PDE4DIP: variants seen among roughly 807,000 people sequenced by gnomAD.
PDE4DIP encodes phosphodiesterase 4D interacting protein.
A neutral mutation model predicts 221.4 loss-of-function variants in PDE4DIP; 59 were observed. The ratio of observed to expected loss-of-function variants is 0.27; its 90% confidence interval spans 0.22 to 0.33. The LOEUF is 0.33. Ranked by LOEUF, PDE4DIP falls within the 10% of genes least tolerant of loss-of-function variation. PDE4DIP has a pLI of 1.00. For synonymous variants in PDE4DIP, 404 were observed against 815.9 expected (o/e 0.50, Z 8.60); for missense variants, 1,036 against 2,154.2 (o/e 0.48, Z 10.28).
chr1:148,969,707 CTT>C (rs66883683), intron 14 of PDE4DIP, among the ~76,000 whole-genome samples: 13 of 134,998 alleles, frequency 9.6e-5, no homozygotes, highest in Admixed American at 1.5e-4. Context: ...GAAGTAAATT[CTT>C]TTTTTTTTTT....
intron 5 of PDE4DIP, among the ~76,000 whole-genome samples, chr1:148,956,582 T>C (rs1553502678): frequency 6.6e-6 from 1 of 152,140 alleles, no homozygotes; most frequent in Non-Finnish European, 1.5e-5. Context: ...CCTTCTTTAT[T>C]GTCTGGCCCT....
intron 17 of PDE4DIP, among the ~76,000 whole-genome samples, chr1:148,975,086 A>G (rs192737380): frequency 1.1e-3 from 159 of 143,854 alleles, no homozygotes; most frequent in Middle Eastern, 3.6e-3. Context: ...CAGGAGAATC[A>G]CTTGAACCCG....
rs1391143755 is a variant in PDE4DIP at position 149,000,544 on chromosome 1, ACT to A, written c.3138-1044_3138-1043del. ...ACTCCAGCCTGGGTGACAGAGTGAG[ACT>A]CTGTCTCAAAAAAAAAAAATAAATA... On this transcript the variant is annotated intron_variant, in intron 23 of 43. Transcript: ENST00000369354. 5.4e-5 allele frequency among the ~76,000 whole-genome samples: 8 copies of A among 149,096 alleles called. No individual in the cohort carries two copies. The East Asian group carries it at 1.1e-3, about 21-fold the overall frequency.
chr1:149,019,661 G>C (rs2071992239), intron 35 of PDE4DIP: 1 of 152,778 alleles, frequency 6.5e-6, no homozygotes, highest in Non-Finnish European at 1.5e-5. Context: ...GCCAGGCTCA[G>C]GTGACTCTTT....
intron 5 of PDE4DIP, among the ~76,000 whole-genome samples, chr1:148,954,940 A>T (rs1485465408): frequency 3.3e-5 from 5 of 152,172 alleles, no homozygotes; most frequent in African/African-American, 1.2e-4. Flanking sequence ...GATAAGTGAC[A>T]TTGTTGATGG....
intron 4 of PDE4DIP, among the ~76,000 whole-genome samples, chr1:148,934,664 C>A (rs2048799107): frequency 6.6e-6 from 1 of 152,060 alleles, no homozygotes. Context: ...AGTACAGTGG[C>A]AAGATCTCGG....
chr1:149,010,460 A>G lies in PDE4DIP; in HGVS notation c.4945A>G (p.Ser1649Gly), dbSNP rs145199065. 15 of 1,613,072 alleles carry G rather than the reference A, an allele frequency of 9.3e-6. No individual in the cohort carries two copies. The African/African-American group carries it at 1.9e-4, about 20-fold the overall frequency. ...TTTTATAGATTCCATCCATCATTCG[A>G]GTCATTCTGCTGTGTTGTCTTCTAA... Residue 1649 changes from serine (S) to glycine (G), a missense_variant, in exon 31 of 44, where the codon AGT (serine) becomes GGT (glycine). Physicochemically the swap from Ser to Gly is moderately conservative, Grantham distance 56 (BLOSUM62 0). Transcript: ENST00000369354.
chr1:148,925,692 G>C (rs1187208806), intron 1 of PDE4DIP, among the ~76,000 whole-genome samples: 1 of 151,758 alleles, frequency 6.6e-6, no homozygotes, highest in African/African-American at 2.4e-5. Context: ...CAAGGTTGTT[G>C]CACAGCTGTG....
chr1:149,029,858 C>T, exon 42 of PDE4DIP: 2 of 1,607,410 alleles, frequency 1.2e-6, no homozygotes, highest in Non-Finnish European at 1.7e-6. Flanking sequence ...TCCTTCAGAG[C>T]ACAACTGAGC....
Position 148,970,280 on chromosome 1 carries a change from C to T in PDE4DIP, c.1980+1250C>T, listed in dbSNP as rs587636250. The stretch of plus-strand genomic sequence containing the variant: ...TCTAGAAAGGTCCTGCTGTGTGCTT[C>T]AGAAATTGTTTCTAAAATAGACCTA... On this transcript the variant is annotated intron_variant, in intron 14 of 43. Coordinates refer to ENST00000369354, the Ensembl canonical transcript of PDE4DIP. Among the ~76,000 whole-genome samples the T allele has an allele frequency of 7.0e-4, 104 of 147,804 alleles. 1 individual carries two copies. The highest frequency in any genetic ancestry group is 2.5e-3 in the African/African-American group (100 of 39,994).
intron 5 of PDE4DIP, chr1:148,952,054 A>T: frequency 9.9e-7 from 1 of 1,011,460 alleles, no homozygotes; most frequent in Non-Finnish European, 1.2e-6. Flanking sequence ...GCACTGTCCG[A>T]GAATGCAGGG....
At position 148,864,283 on chromosome 1, in the gene PDE4DIP, G is replaced by T. The variant is rs1200092754; in HGVS notation, c.289+978G>T. ...AATAAAATAATAAATAAATAAAATGGGTATAATGATAATGTTAATCTCATA... is the reference window on the plus strand; with the variant it reads ...AATAAAATAATAAATAAATAAAATGTGTATAATGATAATGTTAATCTCATA... On this transcript the variant is annotated intron_variant, in intron 2 of 45. Coordinates refer to the PDE4DIP transcript ENST00000524974. Among the ~76,000 whole-genome samples, 67 of 135,156 alleles carry T rather than the reference G, an allele frequency of 5.0e-4. 13 individuals carry two copies. Among genetic ancestry groups the T allele is most frequent in the Non-Finnish European group, 1.3e-4 (8 of 63,906 alleles). 88.7% of individuals were successfully genotyped at this position (135,156 alleles called of 152,430 possible). A position where few individuals can be genotyped will look rare whatever the true frequency, so the allele number is the denominator to read the frequency against.
chr1:148,881,569 CA>C (rs1693687501), intron 3 of PDE4DIP, among the ~76,000 whole-genome samples: 2 of 128,834 alleles, frequency 1.6e-5, no homozygotes, highest in Admixed American at 7.5e-5. Flanking sequence ...ATGAAGAAAA[CA>C]ATTTTTTTTT....
chr1:148,984,724 A>G (rs1553547577), intron 21 of PDE4DIP: 1 of 152,086 alleles, frequency 6.6e-6, no homozygotes, highest in African/African-American at 2.4e-5. Flanking sequence ...TGTCCTTTTC[A>G]TTGAGAAATA....
chr1:149,030,351 G>T (rs1331402453), intron 43 of PDE4DIP, 73 bp downstream of exon 46: 2 of 1,552,426 alleles, frequency 1.3e-6, no homozygotes, highest in Non-Finnish European at 1.7e-6. Flanking sequence ...AGCAGATCTT[G>T]TAGGTGACCC....
chr1:149,000,428 G>A, intron 23 of PDE4DIP, among the ~76,000 whole-genome samples: 1 of 151,914 alleles, frequency 6.6e-6, no homozygotes, highest in Non-Finnish European at 1.5e-5. Context: ...GGTGGCACGT[G>A]CCTGTAGTCC....
intron 21 of PDE4DIP, chr1:148,982,547 C>G (rs2061294499): frequency 6.6e-6 from 1 of 152,188 alleles, no homozygotes; most frequent in Non-Finnish European, 1.5e-5. Flanking sequence ...GAGAGGGGCA[C>G]TGGAGATTGT....
intron 14 of PDE4DIP, among the ~76,000 whole-genome samples, chr1:148,970,722 A>G (rs1553525475): frequency 6.6e-6 from 1 of 152,072 alleles, no homozygotes; most frequent in East Asian, 1.9e-4. Context: ...ACTACGAGAA[A>G]AGGAGTGCCA....
intron 1 of PDE4DIP, among the ~76,000 whole-genome samples, chr1:148,927,462 A>G (rs1451004083): frequency 6.6e-6 from 1 of 151,996 alleles, no homozygotes; most frequent in Non-Finnish European, 1.5e-5. Context: ...ACTTTTCCCA[A>G]TTAGTATTTG....
Sources: allele counts gnomAD v4.1 joint callset (sites outside exome capture counted in the v4.1 genomes callset), GRCh38; gene constraint gnomAD v4.1.1; transcripts MANE v1.5; gene names NCBI Gene and HGNC (gene_info 2026-07-23, HGNC 2026-07-21).